The following KANSL1 variants were observed in gnomAD, a reference collection of about 807,000 sequenced individuals.
The protein encoded by KANSL1 is MLL1/MLL complex subunit KANSL1.
Under a neutral mutation model 103.6 loss-of-function variants are expected in KANSL1, and 22 were observed. The observed-to-expected ratio is 0.21, with a 90% CI of 0.15 to 0.30. KANSL1 has a LOEUF of 0.30. Ranked by LOEUF, KANSL1 falls within the 10% of genes least tolerant of loss-of-function variation. KANSL1 has a pLI of 1.00. For missense variants in KANSL1, 1,337 were observed against 1,399.8 expected, an observed-to-expected ratio of 0.96 and a Z score of 0.72; for synonymous variants, 600 against 527.6, an observed-to-expected ratio of 1.14 and a Z score of -1.88.
intron 3 of KANSL1, among the ~76,000 whole-genome samples, chr17:46,083,037 T>C (rs2079040382): frequency 6.6e-6 from 1 of 152,228 alleles, no homozygotes; most frequent in Admixed American, 6.5e-5. Context: ...CAAGAGCTTC[T>C]TAAAAGCTGG....
chr17:46,038,347 AAAC>A, intron 10 of KANSL1, 188 bp downstream of exon 10: 3 of 625,168 alleles, frequency 4.8e-6, no homozygotes, highest in East Asian at 2.8e-5. Flanking sequence ...AACTCAAGAA[AAAC>A]AACAGAAGGT....
At chr17:46,138,650 T>C (rs1314218942) in intron 2 of KANSL1, among the ~76,000 whole-genome samples, 1 of 152,240 alleles carries the variant, frequency 6.6e-6, no homozygotes. Context: ...CCACCTGTAA[T>C]GGCTTTCAGT....
chr17:46,153,386 C>T (rs373570493), intron 2 of KANSL1, among the ~76,000 whole-genome samples: 65 of 152,302 alleles, frequency 4.3e-4, no homozygotes, highest in Non-Finnish European at 7.9e-4. Context: ...TTATTAGTAA[C>T]TTTATCTTTT....
chr17:46,056,029 C>A (rs2077914655), intron 6 of KANSL1, among the ~76,000 whole-genome samples: 2 of 152,116 alleles, frequency 1.3e-5, no homozygotes, highest in South Asian at 4.1e-4. Context: ...TACAGAGTCT[C>A]GCTCTGTTGC....
intron 2 of KANSL1, among the ~76,000 whole-genome samples, chr17:46,103,766 C>T (rs892390056): frequency 1.3e-5 from 2 of 152,222 alleles, no homozygotes; most frequent in African/African-American, 4.8e-5. Flanking sequence ...TGGCTCATGC[C>T]TGTAATCTCA....
intron 1 of KANSL1, among the ~76,000 whole-genome samples, chr17:46,182,633 T>C (rs1357445996): frequency 6.6e-6 from 1 of 152,270 alleles, no homozygotes; most frequent in Non-Finnish European, 1.5e-5. Flanking sequence ...CTAACATTAA[T>C]TAGCGTTTTA....
chr17:46,057,412 T>C (rs575731068), intron 6 of KANSL1, among the ~76,000 whole-genome samples: 1 of 152,168 alleles, frequency 6.6e-6, no homozygotes, highest in African/African-American at 2.4e-5. Flanking sequence ...AAACAAATAG[T>C]TGAAAAGGAC....
At chr17:46,033,291 G>A in intron 12 of KANSL1, 99 bp from the exon 13 acceptor site, 1 of 1,434,850 alleles carries the variant, frequency 7.0e-7, no homozygotes, top group Non-Finnish European at 9.7e-7. Context: ...AGGAATACAA[G>A]GAGCTTGCAC....
At chr17:46,204,888 A>C (rs560175516) in intron 1 of KANSL1, among the ~76,000 whole-genome samples, 1 of 152,394 alleles carries the variant, frequency 6.6e-6, no homozygotes, top group African/African-American at 2.4e-5. Flanking sequence ...ACAAAATCCA[A>C]CATGCTTTCA....
intron 2 of KANSL1, among the ~76,000 whole-genome samples, chr17:46,140,335 T>C (rs1473286547): frequency 1.3e-5 from 2 of 152,154 alleles, no homozygotes; most frequent in Admixed American, 6.5e-5. Context: ...CAAGGACAAC[T>C]GAATATCCAC....
intron 2 of KANSL1, among the ~76,000 whole-genome samples, chr17:46,130,894 C>T (rs1209803740): frequency 6.6e-6 from 1 of 152,188 alleles, no homozygotes; most frequent in African/African-American, 2.4e-5. Context: ...AATTACCAGT[C>T]CTCACTGTAA....
At chr17:46,033,298 G>A (rs2077061586) in intron 12 of KANSL1, 105 bp downstream of exon 12, 1 of 1,432,142 alleles carries the variant, frequency 7.0e-7, no homozygotes, top group Non-Finnish European at 9.8e-7. Context: ...CAAGGAGCTT[G>A]CACTTCACAC....
At chr17:46,190,666 T>C (rs2047271590) in intron 1 of KANSL1, among the ~76,000 whole-genome samples, 1 of 152,226 alleles carries the variant, frequency 6.6e-6, no homozygotes, top group South Asian at 2.1e-4. Context: ...TAAGAACCTT[T>C]GTAACATTTA....
intron 7 of KANSL1, chr17:46,043,136 G>A (rs1446346953): frequency 2.0e-5 from 3 of 152,190 alleles, no homozygotes; most frequent in African/African-American, 7.2e-5. Flanking sequence ...AAGGAGACGA[G>A]GTCACTTCTG....
chr17:46,062,484 G>A (rs1598515357), intron 6 of KANSL1, among the ~76,000 whole-genome samples: 2 of 149,076 alleles, frequency 1.3e-5, no homozygotes, highest in Admixed American at 6.8e-5. Flanking sequence ...CCAGCCTCTC[G>A]AGTAGCTGGG....
chr17:46,140,453 A>C (rs1315587892), intron 2 of KANSL1, among the ~76,000 whole-genome samples: 4 of 152,320 alleles, frequency 2.6e-5, no homozygotes, highest in Non-Finnish European at 4.4e-5. Context: ...TCCTGGAAAA[A>C]AGCATAGGAG....
intron 4 of KANSL1, among the ~76,000 whole-genome samples, chr17:46,080,648 T>C (rs998285823): frequency 2.6e-5 from 4 of 152,172 alleles, no homozygotes; most frequent in African/African-American, 9.7e-5. Flanking sequence ...AAGAAACATA[T>C]GCTCTGCGCC....
At chr17:46,136,407 G>C (rs955023870) in intron 2 of KANSL1, among the ~76,000 whole-genome samples, 1 of 152,178 alleles carries the variant, frequency 6.6e-6, no homozygotes, top group African/African-American at 2.4e-5. Flanking sequence ...ATCCTTCTTA[G>C]TAGTATATAG....
intron 1 of KANSL1, among the ~76,000 whole-genome samples, chr17:46,213,492 T>TA (rs1327879109): frequency 6.8e-6 from 1 of 147,420 alleles, no homozygotes; most frequent in African/African-American, 2.5e-5. Context: ...TTTTTTTTAG[T>TA]AGAGACGGGG....
Sources: gnomAD v4.1 joint callset for allele counts (sites outside exome capture counted in the v4.1 genomes callset) on GRCh38, gnomAD v4.1.1 for gene constraint, MANE v1.5 for transcripts, NCBI Gene and HGNC (gene_info 2026-07-23, HGNC 2026-07-21) for gene names.